The following ANKAR variants were observed in gnomAD, a reference collection of about 807,000 sequenced individuals.
ANKAR encodes the protein ankyrin and armadillo repeat containing.
ANKAR carries 136 observed loss-of-function variants against 146.2 expected under a neutral mutation model. The ratio of observed to expected loss-of-function variants is 0.93; its 90% CI spans 0.81 to 1.07. The LOEUF (loss-of-function observed/expected upper bound fraction) is 1.07, where lower values mean the gene tolerates loss of function less well. Ranked by LOEUF, ANKAR falls within the 50% of genes least tolerant of loss-of-function variation. The pLI, the probability that ANKAR is intolerant of heterozygous loss-of-function variation, is 0.00. For missense variants in ANKAR, 1,567 were observed against 1,679.9 expected, an observed-to-expected ratio of 0.93 and a Z score of 1.18; for synonymous variants, 500 against 575.8, an observed-to-expected ratio of 0.87 and a Z score of 1.88.
intron 1 of ANKAR, among the ~76,000 whole-genome samples, 191 bp downstream of exon 1, chr2:189,675,021 C>G (rs2033297146): frequency 6.6e-6 from 1 of 152,126 alleles, no homozygotes; most frequent in Non-Finnish European, 1.5e-5. Flanking sequence ...ATAACAAGGT[C>G]TGACTCACTG....
intron 9 of ANKAR, among the ~76,000 whole-genome samples, chr2:189,708,975 G>A (rs1054103625): frequency 2.0e-5 from 3 of 152,162 alleles, no homozygotes; most frequent in Non-Finnish European, 4.4e-5. Flanking sequence ...GGTGGCACGT[G>A]CCTGTAGTCC....
intron 2 of ANKAR, among the ~76,000 whole-genome samples, chr2:189,677,829 A>C (rs1021390444): frequency 4.0e-5 from 6 of 151,624 alleles, no homozygotes; most frequent in African/African-American, 1.2e-4. Context: ...TTCTTTATCT[A>C]CTCATTGGTT....
downstream of ANKAR, chr2:189,761,370 A>C (rs1226183131): frequency 1.3e-6 from 2 of 1,549,322 alleles, no homozygotes; most frequent in East Asian, 2.3e-5. Flanking sequence ...CAAAAGAATG[A>C]TTTTACTTTT....
At position 189,701,130 on chromosome 2, in the gene ANKAR, A is replaced by T. The variant is rs142508267; in HGVS notation, c.1709-3893A>T. ...TACCAAATCTGTGGTTTGATATGTCACATTAATGTGGAAAAATTATCAATC... is the reference window on the plus strand; with the variant it reads ...TACCAAATCTGTGGTTTGATATGTCTCATTAATGTGGAAAAATTATCAATC... On this transcript the variant is annotated intron_variant, in intron 7 of 22. Transcript: ENST00000684021. 1.5e-3 allele frequency among the ~76,000 whole-genome samples: 232 copies of T among 152,272 alleles called. 1 individual carries two copies. Among genetic ancestry groups the T allele is most frequent in the African/African-American group, 5.3e-3 (220 of 41,562 alleles).
chr2:189,699,753 G>C (rs986569424), intron 7 of ANKAR, among the ~76,000 whole-genome samples: 2 of 152,078 alleles, frequency 1.3e-5, no homozygotes, highest in African/African-American at 4.8e-5. Context: ...TCCGCCTCCC[G>C]GCCCCTGGGT....
chr2:189,719,876 A>G, intron 11 of ANKAR, 63 bp downstream of exon 11: 2 of 1,450,328 alleles, frequency 1.4e-6, no homozygotes, highest in South Asian at 2.9e-5. Context: ...AGAAGTTACA[A>G]AAATAGAAAC....
downstream of ANKAR, chr2:189,746,692 G>T (rs2044210365): frequency 7.0e-7 from 1 of 1,423,030 alleles, no homozygotes; most frequent in African/African-American, 1.5e-5. Flanking sequence ...TTTTAATAAT[G>T]GTAATATGCA....
intron 15 of ANKAR, among the ~76,000 whole-genome samples, chr2:189,729,635 C>G (rs1177110469): frequency 6.8e-6 from 1 of 147,292 alleles, no homozygotes; most frequent in Admixed American, 6.9e-5. Context: ...TATACATACA[C>G]ATGCACATAA....
intron 2 of ANKAR, among the ~76,000 whole-genome samples, chr2:189,678,925 A>G (rs1480719256): frequency 6.6e-6 from 1 of 152,170 alleles, no homozygotes; most frequent in African/African-American, 2.4e-5. Context: ...TTGGTTCTAT[A>G]TGACATTTAA....
Position 189,737,845 on chromosome 2 carries a change from T to C in ANKAR, c.3582+4T>C. ...GAAGGCAATGGCAGCATTTCAGGTA[T>C]AAAATTGAGATTAACACCTCAAATT... On this transcript the variant is annotated splice_donor_region_variant and intron_variant, in intron 18 of 22. Coordinates refer to ENST00000684021, the MANE Select transcript of ANKAR (RefSeq NM_001378068.1). The C allele has an allele frequency of 6.5e-7, 1 of 1,538,764 alleles. No individual in the cohort carries two copies. Among genetic ancestry groups the C allele is most frequent in the Non-Finnish European group, 8.7e-7 (1 of 1,150,952 alleles).
intron 12 of ANKAR, among the ~76,000 whole-genome samples, chr2:189,722,661 T>C (rs2041427980): frequency 6.6e-6 from 1 of 152,000 alleles, no homozygotes; most frequent in South Asian, 2.1e-4. Context: ...GGCGGGTGGA[T>C]CACAAGGTCA....
intron 12 of ANKAR, among the ~76,000 whole-genome samples, chr2:189,721,049 G>T (rs1446520612): frequency 6.6e-6 from 1 of 152,162 alleles, no homozygotes; most frequent in Non-Finnish European, 1.5e-5. Context: ...GTGCAGTGGT[G>T]TGATGTCAGC....
intron 18 of ANKAR, chr2:189,754,359 A>G (rs2045739968): frequency 1.3e-6 from 2 of 1,581,422 alleles, no homozygotes; most frequent in Admixed American, 1.9e-5. Context: ...TCAAAGAAAC[A>G]TATTTTTTAG....
At position 189,689,801 on chromosome 2, in the gene ANKAR, A is replaced by G. The variant is rs1458964153; in HGVS notation, c.876A>G (p.Leu292=). Reference sequence around the variant, plus strand: ...CCTACCAGAGACTACAGCAAAGATTATATCTTCAAAAAAAGATTATTCAAA... The same window carrying G: ...CCTACCAGAGACTACAGCAAAGATTGTATCTTCAAAAAAAGATTATTCAAA... ...ICTYQRLQQR[L]YLQKKIIQKH... is the part of the protein sequence containing the mutation. Residue 292 remains leucine (L), a synonymous_variant, in exon 3 of 23, where the codon TTA becomes TTG. Coordinates refer to ENST00000684021, the MANE Select transcript of ANKAR (RefSeq NM_001378068.1). The G allele has an allele frequency of 1.2e-6, 2 of 1,607,246 alleles. No homozygotes were observed. Among genetic ancestry groups the G allele is most frequent in the Admixed American group, 1.7e-5 (1 of 58,804 alleles).
At chr2:189,706,494 C>T (rs544703227) in intron 8 of ANKAR, among the ~76,000 whole-genome samples, 3 of 152,226 alleles carry the variant, frequency 2.0e-5, no homozygotes, top group South Asian at 2.1e-4. Context: ...AATGGGTTTT[C>T]GAGCAAAACT....
downstream of ANKAR, chr2:189,762,766 A>C: frequency 1.0e-6 from 1 of 985,510 alleles, no homozygotes; most frequent in East Asian, 1.1e-4. Flanking sequence ...TGCAGGAGAA[A>C]GCCCGAACCT....
chr2:189,758,492 G>T (rs1321773103), intron 18 of ANKAR, among the ~76,000 whole-genome samples: 1 of 152,072 alleles, frequency 6.6e-6, no homozygotes, highest in African/African-American at 2.4e-5. Flanking sequence ...AAGCTCCCTG[G>T]GCCTCCCCAG....
chr2:189,739,491 CTAAA>C (rs2043136651), intron 19 of ANKAR, among the ~76,000 whole-genome samples: 1 of 151,348 alleles, frequency 6.6e-6, no homozygotes, highest in South Asian at 2.1e-4. Flanking sequence ...ATGTTTTAAT[CTAAA>C]TAACATTATT....
chr2:189,726,817 A>G (rs1403262726), intron 12 of ANKAR, among the ~76,000 whole-genome samples: 3 of 152,198 alleles, frequency 2.0e-5, no homozygotes, highest in African/African-American at 7.2e-5. Context: ...TAAAGAGATA[A>G]AAGGCCACGA....
Sources: gnomAD v4.1 joint callset for allele counts (sites outside exome capture counted in the v4.1 genomes callset) on GRCh38, gnomAD v4.1.1 for gene constraint, MANE v1.5 for transcripts, NCBI Gene and HGNC (gene_info 2026-07-23, HGNC 2026-07-21) for gene names.